Variants in CSMD3 observed in about 807,000 individuals in gnomAD.
CSMD3 encodes the protein CUB and sushi domain-containing protein 3.
CSMD3 carries 177 observed loss-of-function variants against 435.2 expected under a neutral mutation model. The observed-to-expected ratio is 0.41, with a 90% confidence interval of 0.36 to 0.46. CSMD3 has a LOEUF of 0.46. Among genes scored for constraint, CSMD3 ranks in the 20% least tolerant of loss-of-function variants. The pLI, the probability that CSMD3 is intolerant of heterozygous loss-of-function variation, is 0.34. For synonymous variants in CSMD3, 1,656 were observed against 1,520.5 expected, an observed-to-expected ratio of 1.09 and a Z score of -2.07; for missense variants, 4,265 against 4,504.6, an observed-to-expected ratio of 0.95 and a Z score of 1.52.
chr8:112,930,490 A>G (rs1247046964), intron 9 of CSMD3, among the ~76,000 whole-genome samples: 1 of 152,054 alleles, frequency 6.6e-6, no homozygotes, highest in Non-Finnish European at 1.5e-5. Context: ...AGTCAAATCC[A>G]CCTCAGAGTA....
chr8:112,285,899 T>C, intron 58 of CSMD3, among the ~76,000 whole-genome samples: 1 of 151,934 alleles, frequency 6.6e-6, no homozygotes, highest in East Asian at 1.9e-4. Flanking sequence ...TTAAGATTTT[T>C]GTAGAGATGT....
At chr8:112,995,784 T>C (rs2085629178) in intron 6 of CSMD3, among the ~76,000 whole-genome samples, 1 of 151,486 alleles carries the variant, frequency 6.6e-6, no homozygotes, top group Admixed American at 6.6e-5. Flanking sequence ...TGCAATATAA[T>C]TGTTCGTTGA....
At chr8:112,813,843 A>T (rs1183340878) in intron 12 of CSMD3, among the ~76,000 whole-genome samples, 1 of 152,292 alleles carries the variant, frequency 6.6e-6, no homozygotes, top group East Asian at 1.9e-4. Context: ...GCAAAATGAT[A>T]TGGAGTCCTG....
rs142149467 is a variant in CSMD3 at position 112,560,764 on chromosome 8, G to T, written c.4043-3810C>A. Among the ~76,000 whole-genome samples the T allele has an allele frequency of 4.4e-3, 665 of 151,766 alleles. 1 individual carries two copies. The highest frequency in any genetic ancestry group is 0.014 in the Middle Eastern group (4 of 294). On this transcript the variant is annotated intron_variant, in intron 24 of 70. Coordinates refer to ENST00000297405, the MANE Select transcript of CSMD3 (RefSeq NM_198123.2). ...TTAAAATTTCAGAACATATTACTTT[G>T]CATGGATCTGCATACTTAATACTAC... is the stretch of plus-strand genomic sequence containing the variant.
Position 112,645,215 on chromosome 8 carries a change from T to C in CSMD3, c.3204A>G (p.Gly1068=). 1 of 1,548,080 alleles carries C rather than the reference T, an allele frequency of 6.5e-7. No homozygotes were observed. Among genetic ancestry groups the C allele is most frequent in the Non-Finnish European group, 8.9e-7 (1 of 1,120,008 alleles). ...HPLPTCDALC[G]GDVRGPSGTI... is the part of the protein sequence containing the mutation. The stretch of plus-strand genomic sequence containing the variant: ...TTCCACTAGGCCCTCTAACATCTCC[T>C]CCACATAATGCTGAAATACAAAGAA... The change falls in exon 20 of 71, where the codon GGA becomes GGG. Residue 1068 remains glycine, a synonymous_variant. Coordinates refer to ENST00000297405, the MANE Select transcript of CSMD3 (RefSeq NM_198123.2).
chr8:112,589,257 A>T (rs1830977253), intron 22 of CSMD3, among the ~76,000 whole-genome samples: 1 of 152,070 alleles, frequency 6.6e-6, no homozygotes, highest in East Asian at 1.9e-4. Context: ...TCTGCCATGG[A>T]CCTTGCAATT....
chr8:112,692,951 ATC>A (rs2131838335), intron 13 of CSMD3, among the ~76,000 whole-genome samples: 1 of 151,668 alleles, frequency 6.6e-6, no homozygotes, highest in East Asian at 1.9e-4. Context: ...CTATCTATCT[ATC>A]TATCTATCTA....
At chr8:113,345,331 T>C (rs765923381) in intron 1 of CSMD3, among the ~76,000 whole-genome samples, 1 of 152,174 alleles carries the variant, frequency 6.6e-6, no homozygotes. Flanking sequence ...CAAAATAATT[T>C]AATGATATCT....
chr8:112,434,184 C>T (rs1286852963), intron 32 of CSMD3, among the ~76,000 whole-genome samples: 1 of 152,016 alleles, frequency 6.6e-6, no homozygotes, highest in Non-Finnish European at 1.5e-5. Context: ...CACTAAGATT[C>T]CCTAACAAAG....
chr8:113,274,118 G>A (rs891320522), intron 3 of CSMD3, among the ~76,000 whole-genome samples: 23 of 151,898 alleles, frequency 1.5e-4, no homozygotes, highest in African/African-American at 5.3e-4. Flanking sequence ...TTTACATTTT[G>A]AAAATCATAA....
At chr8:113,291,412 A>C (rs2093685572) in intron 2 of CSMD3, among the ~76,000 whole-genome samples, 1 of 151,886 alleles carries the variant, frequency 6.6e-6, no homozygotes, top group South Asian at 2.1e-4. Flanking sequence ...TTTTCTTTTT[A>C]ACACTGCATT....
intron 12 of CSMD3, among the ~76,000 whole-genome samples, chr8:112,807,046 T>TA (rs2079105015): frequency 6.6e-6 from 1 of 152,166 alleles, no homozygotes; most frequent in Non-Finnish European, 1.5e-5. Flanking sequence ...CACAATAAGA[T>TA]ATGCTGACCC....
chr8:112,347,905 C>A (rs932956120), intron 40 of CSMD3, among the ~76,000 whole-genome samples: 2 of 152,110 alleles, frequency 1.3e-5, no homozygotes, highest in African/African-American at 4.8e-5. Context: ...TATTTTCTTG[C>A]CTTCACAATT....
intron 38 of CSMD3, among the ~76,000 whole-genome samples, chr8:112,369,571 A>G (rs977472616): frequency 6.6e-5 from 10 of 152,148 alleles, no homozygotes; most frequent in Non-Finnish European, 1.3e-4. Flanking sequence ...AGGGACATGG[A>G]TGAAGCTGGA....
intron 42 of CSMD3, among the ~76,000 whole-genome samples, chr8:112,338,638 C>T (rs1824800231): frequency 6.6e-6 from 1 of 150,838 alleles, no homozygotes. Flanking sequence ...ATAAACTATC[C>T]TGTTGTTTAT....
chr8:112,336,717 C>A lies in CSMD3; in HGVS notation c.6954G>T (p.Gly2318=). 6.2e-7 allele frequency: 1 copy of A among 1,613,298 alleles called. No homozygotes were observed. Among genetic ancestry groups the A allele is most frequent in the Non-Finnish European group, 8.5e-7 (1 of 1,179,410 alleles). ...DCFWLVRVPP[G]NGIYINFTVL... is the part of the protein sequence containing the mutation. ...CAGTAAAATTGATGTAGATGCCATTCCCAGGGGGTACTCTTACAAGCCAAA... is the reference window on the plus strand; with the variant it reads ...CAGTAAAATTGATGTAGATGCCATTACCAGGGGGTACTCTTACAAGCCAAA... The change falls in exon 44 of 71, where the codon GGG becomes GGT. Residue 2318 remains glycine, a synonymous_variant. Transcript: ENST00000297405.
intron 32 of CSMD3, among the ~76,000 whole-genome samples, chr8:112,435,316 A>G (rs761368999): frequency 1.4e-4 from 22 of 152,070 alleles, no homozygotes; most frequent in Non-Finnish European, 2.9e-4. Context: ...GTGCTCTATA[A>G]CCATTATCTC....
At chr8:112,423,974 T>C (rs2130315608) in intron 32 of CSMD3, among the ~76,000 whole-genome samples, 1 of 152,332 alleles carries the variant, frequency 6.6e-6, no homozygotes, top group South Asian at 2.1e-4. Context: ...AAGTTTCTCA[T>C]ATTACATTTT....
At chr8:112,286,117 C>G (rs1314062535) in intron 58 of CSMD3, among the ~76,000 whole-genome samples, 3 of 152,126 alleles carry the variant, frequency 2.0e-5, no homozygotes, top group African/African-American at 4.8e-5. Flanking sequence ...AACAGTTGTA[C>G]TCTACAATTA....
Sources: gnomAD v4.1 joint callset for allele counts (sites outside exome capture counted in the v4.1 genomes callset) on GRCh38, gnomAD v4.1.1 for gene constraint, MANE v1.5 for transcripts, NCBI Gene and HGNC (gene_info 2026-07-23, HGNC 2026-07-21) for gene names.